Variants in ARHGEF3 observed in about 807,000 individuals in gnomAD.
The protein encoded by ARHGEF3 is 59.8 kDA protein.
In ARHGEF3, 28 loss-of-function variants were observed where a neutral mutation model predicts 63.2. The ratio of observed to expected loss-of-function variants is 0.44; its 90% CI spans 0.33 to 0.61. The LOEUF (loss-of-function observed/expected upper bound fraction) is 0.61. Among genes scored for constraint, ARHGEF3 ranks in the 20% least tolerant of loss-of-function variants. The probability of loss-of-function intolerance (pLI) is 0.03; values close to 1 mark genes in which losing one functional copy is unlikely to be tolerated. For synonymous variants in ARHGEF3, 266 were observed against 254.2 expected, an observed-to-expected ratio of 1.05 and a Z score of -0.44; for missense variants, 533 against 659.3, an observed-to-expected ratio of 0.81 and a Z score of 2.10.
rs2032839398 is a variant in ARHGEF3 at position 56,727,967 on chromosome 3, GAAT to G, written c.*1300_*1302del. ...AAAAAAACTTTTTGGCAATAATTTA[GAAT>G]AATTACCACTAGTGCTGGTGTGGGT... is the stretch of plus-strand genomic sequence containing the variant. On this transcript the variant is annotated 3_prime_UTR_variant, in exon 10 of 10. Coordinates refer to ENST00000296315, the MANE Select transcript of ARHGEF3 (RefSeq NM_019555.3). 6.6e-6 allele frequency: 1 copy of G among 152,518 alleles called. No individual in the cohort carries two copies. Among genetic ancestry groups the G allele is most frequent in the Non-Finnish European group, 1.5e-5 (1 of 68,010 alleles). 9.4% of individuals were successfully genotyped at this position (152,518 alleles called of 1,614,324 possible).
intron 3 of ARHGEF3, among the ~76,000 whole-genome samples, chr3:56,892,883 T>A (rs897946888): frequency 6.6e-6 from 1 of 152,208 alleles, no homozygotes; most frequent in Non-Finnish European, 1.5e-5. Context: ...GGCAGGCCTT[T>A]AACCCTAGGG....
At chr3:56,746,482 A>C (rs1245372805) in intron 6 of ARHGEF3, among the ~76,000 whole-genome samples, 1 of 152,230 alleles carries the variant, frequency 6.6e-6, no homozygotes, top group Non-Finnish European at 1.5e-5. Flanking sequence ...CTGTAATCCC[A>C]GCACATTGGG....
At position 56,751,371 on chromosome 3, in the gene ARHGEF3, A is replaced by C; in HGVS notation, c.464T>G (p.Leu155Arg). 1 of 1,614,052 alleles carries C rather than the reference A, an allele frequency of 6.2e-7. No homozygotes were observed. Reference protein sequence around the residue: ...KKAYHDPMLKLSIMTEQELNQ... With the variant: ...KKAYHDPMLKRSIMTEQELNQ... ...CAACTCTTGTTCTGTCATTATGGAG[A>C]GTTTCAGCATGGGGTCATGATAGGC... Residue 155 changes from leucine to arginine, a missense_variant, in exon 5 of 10, where the codon CTC becomes CGC. Coordinates refer to ENST00000296315, the MANE Select transcript of ARHGEF3 (RefSeq NM_019555.3).
intron 4 of ARHGEF3, among the ~76,000 whole-genome samples, chr3:56,877,636 G>T (rs1363568763): frequency 6.6e-6 from 1 of 152,082 alleles, no homozygotes; most frequent in Non-Finnish European, 1.5e-5. Flanking sequence ...GCCTCCCAAA[G>T]TGCTGGGATT....
chr3:57,018,278 C>CAA (rs57400379), intron 2 of ARHGEF3, among the ~76,000 whole-genome samples: 56 of 111,652 alleles, frequency 5.0e-4, no homozygotes, highest in Admixed American at 7.2e-4. Context: ...GGCTCTGTCA[C>CAA]AAAAAAAAAA....
intron 1 of ARHGEF3, among the ~76,000 whole-genome samples, chr3:57,067,520 T>C (rs1705618249): frequency 6.7e-6 from 1 of 149,330 alleles, no homozygotes; most frequent in South Asian, 2.1e-4. Flanking sequence ...AAAGCTATCA[T>C]AGTAGATATA....
intron 3 of ARHGEF3, among the ~76,000 whole-genome samples, chr3:56,915,530 C>G (rs560877995): frequency 6.6e-5 from 10 of 152,162 alleles, no homozygotes; most frequent in Non-Finnish European, 1.2e-4. Context: ...TAACAACTAC[C>G]TCTACAAAAA....
chr3:56,916,337 A>G (rs1034516424), intron 3 of ARHGEF3: 1 of 1,535,294 alleles, frequency 6.5e-7, no homozygotes, highest in African/African-American at 1.4e-5. Flanking sequence ...GCAGCACCAC[A>G]CCATGGGGCG....
intron 2 of ARHGEF3, among the ~76,000 whole-genome samples, chr3:57,000,937 T>C (rs754414681): frequency 7.2e-5 from 11 of 151,802 alleles, no homozygotes; most frequent in Non-Finnish European, 1.6e-4. Flanking sequence ...TTCTGCAATT[T>C]TATTTTTTAA....
At chr3:57,073,398 G>C in intron 1 of ARHGEF3, 1 of 334,010 alleles carries the variant, frequency 3.0e-6, no homozygotes, top group Non-Finnish European at 5.5e-6. Flanking sequence ...GAAAGCCACT[G>C]GAGTTGGGCA....
chr3:56,968,944 G>A (rs1700785061), intron 2 of ARHGEF3, among the ~76,000 whole-genome samples: 1 of 152,156 alleles, frequency 6.6e-6, no homozygotes, highest in East Asian at 1.9e-4. Context: ...AAAATCCACT[G>A]CTCCATGTCT....
At chr3:57,053,755 C>G (rs1205925241) in intron 1 of ARHGEF3, among the ~76,000 whole-genome samples, 1 of 152,188 alleles carries the variant, frequency 6.6e-6, no homozygotes, top group African/African-American at 2.4e-5. Flanking sequence ...TGGAATCATA[C>G]AGTATGGACT....
At chr3:56,745,899 CT>C (rs1256730092) in intron 6 of ARHGEF3, among the ~76,000 whole-genome samples, 1 of 152,212 alleles carries the variant, frequency 6.6e-6, no homozygotes, top group Non-Finnish European at 1.5e-5. Context: ...TCTCCATCTC[CT>C]GACCTCGTGA....
At chr3:56,826,895 G>GC (rs1345972217) in intron 4 of ARHGEF3, among the ~76,000 whole-genome samples, 1 of 152,044 alleles carries the variant, frequency 6.6e-6, no homozygotes, top group Non-Finnish European at 1.5e-5. Context: ...ATTTGGATAG[G>GC]ATAATTTTAT....
chr3:56,846,347 G>A (rs1393356803), intron 4 of ARHGEF3, among the ~76,000 whole-genome samples: 1 of 152,190 alleles, frequency 6.6e-6, no homozygotes, highest in Admixed American at 6.6e-5. Context: ...TCCAGATCAT[G>A]GTCTTATAGC....
intron 2 of ARHGEF3, among the ~76,000 whole-genome samples, chr3:56,758,650 G>A (rs1419551505): frequency 6.6e-6 from 1 of 152,114 alleles, no homozygotes; most frequent in East Asian, 1.9e-4. Flanking sequence ...GGTCAAGAAA[G>A]TACTTGCACC....
intron 1 of ARHGEF3, among the ~76,000 whole-genome samples, chr3:56,778,641 T>C (rs149078382): frequency 3.9e-5 from 6 of 152,234 alleles, no homozygotes; most frequent in African/African-American, 4.8e-5. Context: ...CAAGCAGATC[T>C]TCCCACCTCA....
At chr3:56,800,031 CAT>C (rs1273699529) in intron 1 of ARHGEF3, among the ~76,000 whole-genome samples, 9 of 152,088 alleles carry the variant, frequency 5.9e-5, no homozygotes, top group African/African-American at 1.2e-4. Flanking sequence ...TAATATTTGA[CAT>C]GTGATAAGTT....
intron 3 of ARHGEF3, among the ~76,000 whole-genome samples, chr3:56,931,427 T>C (rs911412011): frequency 1.3e-5 from 2 of 151,844 alleles, no homozygotes; most frequent in African/African-American, 4.8e-5. Context: ...AATACAAAGA[T>C]TAGCCAGGCA....
Sources: gnomAD v4.1 joint callset for allele counts (sites outside exome capture counted in the v4.1 genomes callset) on GRCh38, gnomAD v4.1.1 for gene constraint, MANE v1.5 for transcripts, NCBI Gene and HGNC (gene_info 2026-07-23, HGNC 2026-07-21) for gene names.